The following KCNB2 variants were observed in gnomAD, a reference collection of about 807,000 sequenced individuals.
The protein encoded by KCNB2 is potassium voltage-gated channel subfamily B member 2, also known as delayed rectifier potassium channel protein.
KCNB2 carries 15 observed loss-of-function variants against 61.5 expected under a neutral mutation model. That is an observed-to-expected ratio of 0.24 (90% CI 0.16 to 0.38). KCNB2 has a LOEUF of 0.38. Ranked by LOEUF, KCNB2 falls within the 10% of genes least tolerant of loss-of-function variation. KCNB2 has a pLI of 1.00. For synonymous variants in KCNB2, 457 were observed against 446.0 expected (o/e 1.02, Z -0.31); for missense variants, 828 against 1,125.2 (o/e 0.74, Z 3.78).
intron 2 of KCNB2, among the ~76,000 whole-genome samples, chr8:72,775,875 A>C (rs1808640904): frequency 6.6e-6 from 1 of 152,192 alleles, no homozygotes; most frequent in African/African-American, 2.4e-5. Context: ...TGGAAATACC[A>C]TTTGACCCAG....
At chr8:72,923,938 A>G (rs909089478) in intron 2 of KCNB2, among the ~76,000 whole-genome samples, 10 of 152,168 alleles carry the variant, frequency 6.6e-5, no homozygotes, top group Non-Finnish European at 1.0e-4. Context: ...CACATGCATT[A>G]TATCATTTCA....
rs144288623 is a variant in KCNB2, at chr8:72,892,025, G to C, written c.580-43910G>C. 4.9e-4 allele frequency among the ~76,000 whole-genome samples: 75 copies of C among 152,152 alleles called. No homozygotes were observed. The East Asian group carries it at 0.012, about 25-fold the overall frequency. ...AAGCCAGAGCAGCTTGAAGGAAAGT[G>C]GGTTAAAGGATGGAGGGAAGCCGAA... On this transcript the variant is annotated intron_variant, in intron 2 of 2. Coordinates refer to ENST00000523207, the MANE Select transcript of KCNB2 (RefSeq NM_004770.3).
chr8:72,683,541 A>C (rs1406529326), intron 2 of KCNB2, among the ~76,000 whole-genome samples: 1 of 152,218 alleles, frequency 6.6e-6, no homozygotes, highest in East Asian at 1.9e-4. Flanking sequence ...TCATCAGGGC[A>C]CTGCTGCTGA....
At chr8:72,700,339 G>T (rs1447537879) in intron 2 of KCNB2, among the ~76,000 whole-genome samples, 1 of 152,008 alleles carries the variant, frequency 6.6e-6, no homozygotes, top group African/African-American at 2.4e-5. Context: ...TTCTGCACAT[G>T]TATCCCAGAA....
At chr8:72,544,931 A>C (rs1806237572) in intron 1 of KCNB2, among the ~76,000 whole-genome samples, 1 of 152,160 alleles carries the variant, frequency 6.6e-6, no homozygotes, top group Admixed American at 6.5e-5. Flanking sequence ...CATTCTGTTG[A>C]TGAGATAGTC....
chr8:72,861,428 T>C (rs9886650), intron 2 of KCNB2, among the ~76,000 whole-genome samples: 129,794 of 152,194 alleles, frequency 0.85, 56,349 homozygotes, highest in Middle Eastern at 0.97. Context: ...TACAGCACCA[T>C]TTCCCGAGGC....
At chr8:72,926,223 A>G (rs1037241421) in intron 2 of KCNB2, among the ~76,000 whole-genome samples, 20 of 152,180 alleles carry the variant, frequency 1.3e-4, no homozygotes, top group Admixed American at 2.6e-4. Context: ...CACATCCTGC[A>G]CATGTACCCA....
chr8:72,804,802 T>C (rs961830664), intron 2 of KCNB2, among the ~76,000 whole-genome samples: 12 of 152,170 alleles, frequency 7.9e-5, no homozygotes, highest in African/African-American at 2.7e-4. Flanking sequence ...ACTACCAAGA[T>C]GGAAAAAGCT....
chr8:72,551,529 C>G (rs1312753807), intron 1 of KCNB2, among the ~76,000 whole-genome samples: 1 of 152,120 alleles, frequency 6.6e-6, no homozygotes, highest in Non-Finnish European at 1.5e-5. Flanking sequence ...AGAAGGCCGT[C>G]TCGCATAGTT....
At chr8:72,722,211 A>G (rs1807562517) in intron 2 of KCNB2, among the ~76,000 whole-genome samples, 1 of 151,912 alleles carries the variant, frequency 6.6e-6, no homozygotes, top group Non-Finnish European at 1.5e-5. Context: ...GCACCTCCTC[A>G]CCAACCTTCC....
chr8:72,740,098 T>A (rs1331534046), intron 2 of KCNB2, among the ~76,000 whole-genome samples: 1 of 152,206 alleles, frequency 6.6e-6, no homozygotes, highest in Non-Finnish European at 1.5e-5. Context: ...TGTGAACGTA[T>A]GTGTTGTATC....
intron 2 of KCNB2, among the ~76,000 whole-genome samples, chr8:72,796,294 C>G (rs898684868): frequency 6.6e-6 from 1 of 152,106 alleles, no homozygotes; most frequent in African/African-American, 2.4e-5. Context: ...TCTGGCATTT[C>G]TCATATCTCC....
chr8:72,746,899 A>G (rs565762496), intron 2 of KCNB2, among the ~76,000 whole-genome samples: 1 of 152,292 alleles, frequency 6.6e-6, no homozygotes, highest in East Asian at 1.9e-4. Context: ...CCTCAGTTTA[A>G]TACCCCTTCT....
chr8:72,790,619 C>T (rs927522238), intron 2 of KCNB2, among the ~76,000 whole-genome samples: 10 of 152,082 alleles, frequency 6.6e-5, no homozygotes, highest in African/African-American at 2.4e-4. Context: ...GTGACAGCAG[C>T]CAGCAGGGAA....
In KCNB2 at chr8:72,920,461, C is replaced by CTATA. The variant is rs1210179232; in HGVS notation, c.580-15471_580-15470insATAT. On this transcript the variant is annotated intron_variant, in intron 2 of 2. Coordinates refer to ENST00000523207, the MANE Select transcript of KCNB2 (RefSeq NM_004770.3). ...CCACTATATCTATCTATCTATCTAT[C>CTATA]TATCTATCTATCTATATATATATAT... Among the ~76,000 whole-genome samples, 158 of 72,612 alleles carry CTATA rather than the reference C, an allele frequency of 2.2e-3. 13 individuals carry two copies. In the Middle Eastern group the frequency reaches 0.023, roughly 11 times the overall value. The allele number at this position is 72,612 out of a possible 152,430, so 47.6% of individuals were successfully genotyped here.
chr8:72,795,612 G>C (rs541276080), intron 2 of KCNB2, among the ~76,000 whole-genome samples: 1 of 152,272 alleles, frequency 6.6e-6, no homozygotes, highest in South Asian at 2.1e-4. Context: ...TTGTTCATCA[G>C]AGGGCTTCAT....
At chr8:72,800,075 A>C (rs1344177811) in intron 2 of KCNB2, among the ~76,000 whole-genome samples, 1 of 152,176 alleles carries the variant, frequency 6.6e-6, no homozygotes, top group Admixed American at 6.6e-5. Flanking sequence ...TAAACTTTGA[A>C]AGGTTTTGAG....
chr8:72,567,399 A>T (rs1187688478), intron 1 of KCNB2, among the ~76,000 whole-genome samples: 1 of 152,174 alleles, frequency 6.6e-6, no homozygotes, highest in Non-Finnish European at 1.5e-5. Context: ...TTGCCAGCCT[A>T]TAGGTATATA....
In KCNB2 at chr8:72,561,226, G is replaced by A. The variant is rs1362656456; in HGVS notation, c.-93-6416G>A. Among the ~76,000 whole-genome samples, 6 of 150,946 alleles carry A rather than the reference G, an allele frequency of 4.0e-5. No individual in the cohort carries two copies. The East Asian group carries it at 1.2e-3, about 29-fold the overall frequency. On this transcript the variant is annotated intron_variant, in intron 1 of 2. Transcript: ENST00000523207. ...GGCTGGAGTGCAGTGGCACAATCTC[G>A]GCTCATTGCAACCTCTGCCTCCCAG...
Sources: gnomAD v4.1 joint callset for allele counts (sites outside exome capture counted in the v4.1 genomes callset) on GRCh38, gnomAD v4.1.1 for gene constraint, MANE v1.5 for transcripts, NCBI Gene and HGNC (gene_info 2026-07-23, HGNC 2026-07-21) for gene names.